The following SPAG16 variants were observed in gnomAD, a reference collection of about 807,000 sequenced individuals.
The protein encoded by SPAG16 is sperm-associated antigen 16 protein.
SPAG16 carries 86 observed loss-of-function variants against 80.4 expected under a neutral mutation model. The ratio of observed to expected loss-of-function variants is 1.07; its 90% CI spans 0.90 to 1.28. The LOEUF (loss-of-function observed/expected upper bound fraction) is 1.28, where lower values mean the gene tolerates loss of function less well. Among genes scored for constraint, SPAG16 ranks in the 50% most tolerant of loss-of-function variants. The pLI is 0.00. For synonymous variants in SPAG16, 294 were observed against 265.9 expected (o/e 1.11, Z -1.03); for missense variants, 870 against 765.3 (o/e 1.14, Z -1.61).
At chr2:214,395,959 T>C (rs1440984479) in intron 15 of SPAG16, among the ~76,000 whole-genome samples, 1 of 152,194 alleles carries the variant, frequency 6.6e-6, no homozygotes, top group African/African-American at 2.4e-5. Context: ...ATTCTGTGTC[T>C]TTGCTATTGT....
chr2:213,603,993 G>C lies in SPAG16; in HGVS notation c.1070+113903G>C, dbSNP rs78509239. Among the ~76,000 whole-genome samples, 388 of 149,600 alleles carry C rather than the reference G, an allele frequency of 2.6e-3. 4 individuals are homozygous for C. The highest frequency in any genetic ancestry group is 8.8e-3 in the African/African-American group (356 of 40,450). On this transcript the variant is annotated intron_variant, in intron 10 of 15. Transcript: ENST00000331683. ...GGCTGAAGAGCAATGGCACGATCTT[G>C]GCTCACTGTATCCTCTGCCTCCTGA...
intron 7 of SPAG16, among the ~76,000 whole-genome samples, chr2:213,361,153 A>G (rs2065955525): frequency 1.3e-5 from 2 of 152,126 alleles, no homozygotes; most frequent in South Asian, 2.1e-4. Context: ...TAGATACTAG[A>G]CAGTGAATCA....
At chr2:213,564,236 A>G (rs1481924164) in intron 10 of SPAG16, among the ~76,000 whole-genome samples, 2 of 152,082 alleles carry the variant, frequency 1.3e-5, no homozygotes, top group Non-Finnish European at 2.9e-5. Flanking sequence ...AGTAATTTAA[A>G]AAAAACGAGT....
intron 10 of SPAG16, among the ~76,000 whole-genome samples, chr2:213,682,046 G>A (rs1402085238): frequency 2.0e-5 from 3 of 152,116 alleles, no homozygotes; most frequent in Non-Finnish European, 2.9e-5. Context: ...GTCAGTCCCT[G>A]CTGTACCCAG....
At chr2:213,715,565 A>C (rs1168840472) in intron 10 of SPAG16, among the ~76,000 whole-genome samples, 1 of 152,168 alleles carries the variant, frequency 6.6e-6, no homozygotes, top group East Asian at 1.9e-4. Flanking sequence ...GTGAAATATC[A>C]GTACCTTCCT....
At chr2:213,357,923 C>A (rs1173727902) in intron 7 of SPAG16, among the ~76,000 whole-genome samples, 2 of 152,170 alleles carry the variant, frequency 1.3e-5, no homozygotes, top group African/African-American at 2.4e-5. Flanking sequence ...TTTAGTGCTT[C>A]CTTCAGGAGC....
At chr2:213,443,401 T>C (rs2071105825) in intron 9 of SPAG16, among the ~76,000 whole-genome samples, 1 of 152,352 alleles carries the variant, frequency 6.6e-6, no homozygotes, top group Non-Finnish European at 1.5e-5. Flanking sequence ...ATCATACTTA[T>C]GTATGATGTT....
intron 10 of SPAG16, among the ~76,000 whole-genome samples, chr2:213,751,587 C>T (rs993937020): frequency 1.3e-5 from 2 of 152,196 alleles, no homozygotes; most frequent in African/African-American, 2.4e-5. Context: ...TCACCCCAAC[C>T]TCTCTGGAAT....
chr2:213,980,159 A>G (rs2045624186), intron 12 of SPAG16, among the ~76,000 whole-genome samples: 1 of 149,980 alleles, frequency 6.7e-6, no homozygotes, highest in Non-Finnish European at 1.5e-5. Flanking sequence ...AGTCTGGCCA[A>G]CATGGTGAAA....
chr2:213,338,892 A>G (rs1385523608), intron 5 of SPAG16, among the ~76,000 whole-genome samples: 1 of 152,096 alleles, frequency 6.6e-6, no homozygotes, highest in East Asian at 1.9e-4. Flanking sequence ...GGGGAGGTGG[A>G]GCATTAGGAA....
intron 15 of SPAG16, among the ~76,000 whole-genome samples, chr2:214,194,428 AC>A (rs893800107): frequency 2.6e-5 from 4 of 152,026 alleles, no homozygotes; most frequent in African/African-American, 9.7e-5. Flanking sequence ...ATCTGAAATT[AC>A]AGGAAAACTG....
chr2:214,239,930 C>T (rs1008776731), intron 15 of SPAG16: 2 of 151,886 alleles, frequency 1.3e-5, no homozygotes, highest in Admixed American at 6.6e-5. Flanking sequence ...AAAAAATGAC[C>T]AAGAAAAGCC....
intron 10 of SPAG16, among the ~76,000 whole-genome samples, chr2:213,518,920 G>T (rs939961203): frequency 6.6e-6 from 1 of 152,210 alleles, no homozygotes; most frequent in African/African-American, 2.4e-5. Context: ...GTCCTTTGTG[G>T]CAACATGGTT....
intron 13 of SPAG16, among the ~76,000 whole-genome samples, chr2:214,092,596 T>G (rs28385494): frequency 6.6e-6 from 1 of 151,754 alleles, no homozygotes; most frequent in Non-Finnish European, 1.5e-5. Flanking sequence ...GTTACCTTAT[T>G]TATTGTATCT....
chr2:213,775,996 T>C (rs1490608376), intron 10 of SPAG16, among the ~76,000 whole-genome samples: 2 of 152,244 alleles, frequency 1.3e-5, no homozygotes, highest in Non-Finnish European at 2.9e-5. Context: ...TTTGCCACAT[T>C]GGCATAAATG....
chr2:213,696,479 C>A (rs1187271950), intron 10 of SPAG16, among the ~76,000 whole-genome samples: 1 of 152,050 alleles, frequency 6.6e-6, no homozygotes, highest in South Asian at 2.1e-4. Flanking sequence ...ATTCAGGGCA[C>A]ATCCCTGGCT....
At chr2:213,732,914 A>C (rs11689586) in intron 10 of SPAG16, among the ~76,000 whole-genome samples, 68,257 of 151,990 alleles carry the variant, frequency 0.45, 16,784 homozygotes, top group Non-Finnish European at 0.55. Flanking sequence ...TGCTGGGTTG[A>C]ATAGTATTTC....
intron 15 of SPAG16, among the ~76,000 whole-genome samples, chr2:214,296,591 G>A (rs1445306147): frequency 6.6e-6 from 1 of 152,136 alleles, no homozygotes; most frequent in Non-Finnish European, 1.5e-5. Context: ...TCTGACTGGT[G>A]TGATGTGTTA....
At chr2:213,424,223 AGG>A (rs1343433026) in intron 9 of SPAG16, among the ~76,000 whole-genome samples, 2 of 152,232 alleles carry the variant, frequency 1.3e-5, no homozygotes, top group Non-Finnish European at 2.9e-5. Flanking sequence ...ATATATGAGG[AGG>A]GAAATTTTCA....
Sources: allele counts gnomAD v4.1 joint callset (sites outside exome capture counted in the v4.1 genomes callset), GRCh38; gene constraint gnomAD v4.1.1; transcripts MANE v1.5; gene names NCBI Gene and HGNC (gene_info 2026-07-23, HGNC 2026-07-21).